ATRNL1: variants seen among roughly 807,000 people sequenced by gnomAD.
ATRNL1 encodes attractin like 1, also known as attractin-like protein 1.
In ATRNL1, 95 loss-of-function variants were observed where a neutral mutation model predicts 182.7. The observed-to-expected ratio is 0.52, with a 90% CI of 0.44 to 0.62. ATRNL1 has a LOEUF of 0.62. Among genes scored for constraint, ATRNL1 ranks in the 20% least tolerant of loss-of-function variants. ATRNL1 has a pLI of 0.00. For synonymous variants in ATRNL1, 576 were observed against 568.3 expected (o/e 1.01, Z -0.19); for missense variants, 1,471 against 1,679.5 (o/e 0.88, Z 2.17).
chr10:115,498,906 T>TAAG (rs1849680681), intron 24 of ATRNL1, among the ~76,000 whole-genome samples: 1 of 152,050 alleles, frequency 6.6e-6, no homozygotes, highest in Non-Finnish European at 1.5e-5. Context: ...GTTTTAAAGA[T>TAAG]AAGACTGAAT....
At chr10:115,882,646 T>C (rs1951852826) in intron 28 of ATRNL1, among the ~76,000 whole-genome samples, 1 of 152,162 alleles carries the variant, frequency 6.6e-6, no homozygotes, top group Non-Finnish European at 1.5e-5. Context: ...CTTTGTGGTT[T>C]TATAGAGGAA....
chr10:115,287,820 T>A (rs1852693113), intron 15 of ATRNL1, among the ~76,000 whole-genome samples: 1 of 152,104 alleles, frequency 6.6e-6, no homozygotes, highest in Non-Finnish European at 1.5e-5. Context: ...TATCGAGCTG[T>A]AATTTTCAAT....
intron 8 of ATRNL1, among the ~76,000 whole-genome samples, chr10:115,212,153 A>G (rs944850044): frequency 7.2e-5 from 11 of 151,850 alleles, no homozygotes; most frequent in African/African-American, 1.2e-4. Context: ...CTCAGTACCC[A>G]ATAGTTATTC....
intron 19 of ATRNL1, among the ~76,000 whole-genome samples, chr10:115,361,834 T>C (rs1381186943): frequency 2.0e-5 from 3 of 152,122 alleles, no homozygotes; most frequent in Non-Finnish European, 4.4e-5. Flanking sequence ...TGCTATTTTC[T>C]GGAAGATTCC....
chr10:115,594,701 C>T (rs1555013397), intron 26 of ATRNL1, among the ~76,000 whole-genome samples: 1 of 152,146 alleles, frequency 6.6e-6, no homozygotes, highest in African/African-American at 2.4e-5. Context: ...GATGAGGTTT[C>T]CTCATGTTGG....
chr10:115,249,298 G>T (rs1554904853), intron 10 of ATRNL1, among the ~76,000 whole-genome samples: 1 of 151,818 alleles, frequency 6.6e-6, no homozygotes, highest in African/African-American at 2.4e-5. Context: ...CTGGCCAAAA[G>T]ATTTTTTAAA....
chr10:115,522,813 G>A (rs905957954), intron 25 of ATRNL1, among the ~76,000 whole-genome samples: 1 of 152,084 alleles, frequency 6.6e-6, no homozygotes, highest in Non-Finnish European at 1.5e-5. Context: ...CATTCCAAAA[G>A]GGAGAAACTG....
intron 5 of ATRNL1, 69 bp from the exon 6 acceptor site, chr10:115,159,971 A>T (rs1370576564): frequency 5.2e-5 from 59 of 1,142,924 alleles, no homozygotes; most frequent in Non-Finnish European, 7.2e-5. Flanking sequence ...CTCTTAATCC[A>T]TATGTTGTAT....
intron 24 of ATRNL1, among the ~76,000 whole-genome samples, chr10:115,505,006 T>G (rs1850037210): frequency 6.6e-6 from 1 of 152,042 alleles, no homozygotes; most frequent in Non-Finnish European, 1.5e-5. Flanking sequence ...TAGCCTTAAA[T>G]TTGCATATTA....
chr10:115,388,747 A>G (rs1843807825), intron 19 of ATRNL1, among the ~76,000 whole-genome samples: 1 of 151,824 alleles, frequency 6.6e-6, no homozygotes, highest in South Asian at 2.1e-4. Flanking sequence ...TAATATTTAC[A>G]TTCATGGAGA....
intron 19 of ATRNL1, among the ~76,000 whole-genome samples, chr10:115,338,188 G>A (rs1320875918): frequency 6.6e-6 from 1 of 152,150 alleles, no homozygotes; most frequent in Non-Finnish European, 1.5e-5. Context: ...TGTAAACATT[G>A]TTGCAACGTA....
chr10:115,756,671 G>C (rs990513469), intron 27 of ATRNL1, among the ~76,000 whole-genome samples: 2 of 152,068 alleles, frequency 1.3e-5, no homozygotes, highest in African/African-American at 4.8e-5. Flanking sequence ...GTAGATGTCT[G>C]TTAGGTCTGC....
At chr10:115,575,530 G>T (rs896327258) in intron 26 of ATRNL1, among the ~76,000 whole-genome samples, 2 of 152,030 alleles carry the variant, frequency 1.3e-5, no homozygotes, top group African/African-American at 4.8e-5. Context: ...TGTTCATCAC[G>T]TAGTCATTTG....
At chr10:115,220,616 T>C (rs1849416163) in intron 9 of ATRNL1, among the ~76,000 whole-genome samples, 1 of 151,704 alleles carries the variant, frequency 6.6e-6, no homozygotes, top group Non-Finnish European at 1.5e-5. Context: ...GTGATGTTTG[T>C]TTTTTACTCA....
intron 5 of ATRNL1, among the ~76,000 whole-genome samples, chr10:115,158,850 A>G (rs1846646171): frequency 6.6e-6 from 1 of 151,970 alleles, no homozygotes; most frequent in Non-Finnish European, 1.5e-5. Context: ...TTGACAATTT[A>G]AAGTTGGGAT....
At position 115,307,845 on chromosome 10, in the gene ATRNL1, T is replaced by C. The variant is rs782359199; in HGVS notation, c.2818+5802T>C. On this transcript the variant is annotated intron_variant, in intron 17 of 28. Transcript: ENST00000355044. ...AAAGTAGCTGAGTGTTACTCTTTCA[T>C]AGGTGTCAGCTTCTTGGCAATGGTT... 7.9e-4 allele frequency among the ~76,000 whole-genome samples: 120 copies of C among 152,328 alleles called. 2 individuals carry two copies. The highest frequency in any genetic ancestry group is 3.1e-4 in the Non-Finnish European group (21 of 68,030).
chr10:115,827,610 G>A (rs1950465719), intron 27 of ATRNL1, among the ~76,000 whole-genome samples: 1 of 152,070 alleles, frequency 6.6e-6, no homozygotes, highest in Non-Finnish European at 1.5e-5. Context: ...GTCTTCATAT[G>A]GACAAAAGAA....
intron 26 of ATRNL1, among the ~76,000 whole-genome samples, chr10:115,671,385 A>G (rs1203311502): frequency 6.6e-6 from 1 of 152,142 alleles, no homozygotes; most frequent in Admixed American, 6.6e-5. Flanking sequence ...AGATGCTTCT[A>G]ATATAAAAGA....
At chr10:115,628,905 T>C (rs916926346) in intron 26 of ATRNL1, among the ~76,000 whole-genome samples, 6 of 152,282 alleles carry the variant, frequency 3.9e-5, no homozygotes, top group Middle Eastern at 3.4e-3. Flanking sequence ...TTTTGAAGAG[T>C]CTATTCTTTC....
Sources: allele counts gnomAD v4.1 joint callset (sites outside exome capture counted in the v4.1 genomes callset), GRCh38; gene constraint gnomAD v4.1.1; transcripts MANE v1.5; gene names NCBI Gene and HGNC (gene_info 2026-07-23, HGNC 2026-07-21).